DRICH1: variants seen among roughly 807,000 people sequenced by gnomAD.
The protein encoded by DRICH1 is aspartate-rich protein 1.
In DRICH1, 38 loss-of-function variants were observed where a neutral mutation model predicts 39.5. The ratio of observed to expected loss-of-function variants is 0.96; its 90% CI spans 0.74 to 1.26. DRICH1 has a LOEUF of 1.26. DRICH1 is among the 50% of genes most tolerant of loss of function. The probability of loss-of-function intolerance (pLI) is 0.00; values close to 1 mark genes in which losing one functional copy is unlikely to be tolerated. For missense variants in DRICH1, 279 were observed against 270.4 expected, an observed-to-expected ratio of 1.03 and a Z score of -0.22; for synonymous variants, 84 against 99.5, an observed-to-expected ratio of 0.84 and a Z score of 0.93.
intron 1 of DRICH1, among the ~76,000 whole-genome samples, chr22:23,628,605 G>C (rs1199898471): frequency 6.6e-6 from 1 of 152,100 alleles, no homozygotes; most frequent in African/African-American, 2.4e-5. Flanking sequence ...TTCTGAGCCA[G>C]ACAACCCTTG....
At chr22:23,629,284 C>T (rs1039717706) in intron 1 of DRICH1, among the ~76,000 whole-genome samples, 1 of 152,048 alleles carries the variant, frequency 6.6e-6, no homozygotes, top group African/African-American at 2.4e-5. Flanking sequence ...GGCAATCCAC[C>T]CACCTCGGCC....
chr22:23,622,645 C>G (rs897414378), intron 3 of DRICH1, among the ~76,000 whole-genome samples: 4 of 117,742 alleles, frequency 3.4e-5, no homozygotes, highest in Admixed American at 1.7e-4. Flanking sequence ...ACCCAAATTA[C>G]TCTATTAATC....
At chr22:23,585,169 G>C in the DRICH1 span, among the ~76,000 whole-genome samples, 1,660 of 151,396 alleles carry the variant, frequency 0.011, 18 homozygotes, top group Non-Finnish European at 0.017. Flanking sequence ...ACAGGGTCTT[G>C]CTGTGTCAGC....
chr22:23,624,972 G>GT lies in DRICH1; in HGVS notation c.277-69dup, dbSNP rs1476420860. On this transcript the variant is annotated intron_variant, in intron 2 of 11. Transcript: ENST00000317749. ...TCTGCTGCACCCCCTACACAGATCAGTTATTCTCTTGATGACTTCAGAAAA... is the reference window on the plus strand; with the variant it reads ...TCTGCTGCACCCCCTACACAGATCAGTTTATTCTCTTGATGACTTCAGAAAA... The GT allele has an allele frequency of 1.9e-6, 3 of 1,545,138 alleles. No homozygotes were observed. In the African/African-American group the frequency reaches 4.1e-5, roughly 21 times the overall value.
the DRICH1 span, among the ~76,000 whole-genome samples, chr22:23,601,971 A>G: frequency 6.8e-6 from 1 of 146,240 alleles, no homozygotes; most frequent in Admixed American, 6.8e-5. Context: ...GGAGGCTGAG[A>G]GCAGGGGCTC....
the DRICH1 span, among the ~76,000 whole-genome samples, chr22:23,582,043 A>T: frequency 1.5e-5 from 2 of 134,182 alleles, no homozygotes; most frequent in Non-Finnish European, 3.2e-5. Context: ...GCAGTGGCGC[A>T]ATCTTAGCTC....
chr22:23,625,703 C>T (rs989228036), intron 2 of DRICH1, among the ~76,000 whole-genome samples: 2 of 152,040 alleles, frequency 1.3e-5, no homozygotes, highest in African/African-American at 2.4e-5. Context: ...ACCTAAAGCC[C>T]CTACCCAACA....
the DRICH1 span, among the ~76,000 whole-genome samples, chr22:23,593,502 T>A: frequency 6.6e-6 from 1 of 152,056 alleles, no homozygotes; most frequent in East Asian, 1.9e-4. Flanking sequence ...CCTTCTCTAC[T>A]AAAAATACAA....
In DRICH1 at chr22:23,613,673, A is replaced by G. The variant is rs1303002819; in HGVS notation, c.622-13T>C. The stretch of plus-strand genomic sequence containing the variant: ...TCCGAGCTGTTATCTGCAATTATAT[A>G]AAAGAAAACATTATGAAAATCAGAT... On this transcript the variant is annotated splice_polypyrimidine_tract_variant and intron_variant, in intron 9 of 11. Transcript: ENST00000317749. 6.3e-7 allele frequency: 1 copy of G among 1,578,776 alleles called. No individual in the cohort carries two copies. The highest frequency in any genetic ancestry group is 2.2e-5 in the East Asian group (1 of 44,726).
rs1926859928 is a variant in DRICH1 at position 23,608,584 on chromosome 22, G to C, written c.*180C>G. The C allele has an allele frequency of 4.6e-6, 3 of 657,962 alleles. No individual in the cohort carries two copies. The highest frequency in any genetic ancestry group is 3.5e-5 in the South Asian group (2 of 56,910). 40.8% of individuals were successfully genotyped at this position (657,962 alleles called of 1,614,324 possible). On this transcript the variant is annotated 3_prime_UTR_variant, in exon 12 of 12. Coordinates refer to ENST00000317749, the MANE Select transcript of DRICH1 (RefSeq NM_016449.4). ...AAGCACTGGGTCCTGGATGGTACAG[G>C]CCAAACCTAGTGCTGGCGGTGGGTG... is the stretch of plus-strand genomic sequence containing the variant.
At chr22:23,624,423 A>G (rs1569094833) in intron 3 of DRICH1, 1 of 819,090 alleles carries the variant, frequency 1.2e-6, no homozygotes, top group African/African-American at 1.9e-5. Context: ...CTCTGAAAAT[A>G]ACAAACTCAG....
rs1212913128 is a variant in DRICH1, at chr22:23,616,875, C to G, written c.520-1G>C. On this transcript the variant is annotated splice_acceptor_variant, in intron 7 of 11. Coordinates refer to ENST00000317749, the MANE Select transcript of DRICH1 (RefSeq NM_016449.4). LOFTEE classifies it high-confidence loss of function. Reference sequence around the variant, plus strand: ...TACCCTGGACAGGTGACGGTAAAATCTGCAATGAGATAAAAGAAGATGCTG... The same window carrying G: ...TACCCTGGACAGGTGACGGTAAAATGTGCAATGAGATAAAAGAAGATGCTG... The G allele has an allele frequency of 7.4e-6, 12 of 1,613,896 alleles. No homozygotes were observed. The highest frequency in any genetic ancestry group is 9.3e-6 in the Non-Finnish European group (11 of 1,179,898).
chr22:23,612,620 T>C (rs1602331953), intron 11 of DRICH1, among the ~76,000 whole-genome samples: 2 of 152,040 alleles, frequency 1.3e-5, no homozygotes, highest in Non-Finnish European at 2.9e-5. Context: ...ATTAGAGAAC[T>C]GGGAGAAAGA....
chr22:23,611,002 A>G (rs1019804488), intron 11 of DRICH1, among the ~76,000 whole-genome samples: 1 of 151,510 alleles, frequency 6.6e-6, no homozygotes, highest in Non-Finnish European at 1.5e-5. Context: ...AATTGCACTC[A>G]TATAACCTGT....
At chr22:23,630,518 T>C (rs1928325963) in intron 1 of DRICH1, 1 of 152,164 alleles carries the variant, frequency 6.6e-6, no homozygotes, top group Non-Finnish European at 1.5e-5. Context: ...GCTGAAGTTT[T>C]TCTTCCTTTT....
At chr22:23,595,800 C>T in the DRICH1 span, among the ~76,000 whole-genome samples, 1 of 152,152 alleles carries the variant, frequency 6.6e-6, no homozygotes, top group African/African-American at 2.4e-5. Context: ...CTCCTCCACT[C>T]TCAGGAAACC....
Position 23,617,631 on chromosome 22 carries a change from C to T in DRICH1, c.463G>A (p.Val155Ile). 6.2e-7 allele frequency: 1 copy of T among 1,614,192 alleles called. No homozygotes were observed. The highest frequency in any genetic ancestry group is 8.5e-7 in the Non-Finnish European group (1 of 1,180,018). Residue 155 changes from valine to isoleucine, a missense_variant, in exon 7 of 12, where the codon GTA becomes ATA. Val to Ile is a conservative substitution (Grantham distance 29, BLOSUM62 3). Coordinates refer to ENST00000317749, the MANE Select transcript of DRICH1 (RefSeq NM_016449.4). ...TCATCTTCACTTCGTGGTAGGCATA[C>T]TAAACTCAGGTTGTCCTCAGAAGAA... Reference protein sequence around the residue: ...SCSSEDNLSLVCLPRSEDDDC... With the variant: ...SCSSEDNLSLICLPRSEDDDC...
At chr22:23,589,089 G>GACACACAC in the DRICH1 span, among the ~76,000 whole-genome samples, 181 of 143,918 alleles carry the variant, frequency 1.3e-3, 1 homozygote, top group African/African-American at 2.6e-3. Flanking sequence ...TCTCCCAGCT[G>GACACACAC]ACACACACAC....
rs768684142 is a variant in DRICH1 at position 23,613,363 on chromosome 22, A to C, written c.644-33T>G. 8 of 1,563,130 alleles carry C rather than the reference A, an allele frequency of 5.1e-6. No homozygotes were observed. In the Admixed American group the frequency reaches 8.3e-5, roughly 16 times the overall value. ...AACAAAAACACCAGAATAAGTCATTAGAGAGAGTGACTCACCCACTCCTCC... is the reference window on the plus strand; with the variant it reads ...AACAAAAACACCAGAATAAGTCATTCGAGAGAGTGACTCACCCACTCCTCC... On this transcript the variant is annotated intron_variant, in intron 10 of 11. Transcript: ENST00000317749.
Sources: allele counts gnomAD v4.1 joint callset (sites outside exome capture counted in the v4.1 genomes callset), GRCh38; gene constraint gnomAD v4.1.1; transcripts MANE v1.5; gene names NCBI Gene and HGNC (gene_info 2026-07-23, HGNC 2026-07-21).